The following ZFAND3 variants were observed in gnomAD, a reference collection of about 807,000 sequenced individuals.
ZFAND3 encodes AN1-type zinc finger protein 3.
Under a neutral mutation model 29.6 loss-of-function variants are expected in ZFAND3, and 10 were observed. The observed-to-expected ratio is 0.34, with a 90% CI of 0.21 to 0.57. The LOEUF (loss-of-function observed/expected upper bound fraction) is 0.57. Ranked by LOEUF, ZFAND3 falls within the 20% of genes least tolerant of loss-of-function variation. ZFAND3 has a pLI of 0.86. For missense variants in ZFAND3, 230 were observed against 304.5 expected (o/e 0.76, Z 1.82); for synonymous variants, 128 against 112.6 (o/e 1.14, Z -0.87).
chr6:37,866,359 G>A (rs1455618629), intron 1 of ZFAND3, among the ~76,000 whole-genome samples: 1 of 152,120 alleles, frequency 6.6e-6, no homozygotes, highest in Non-Finnish European at 1.5e-5. Flanking sequence ...TATATAGTTT[G>A]CCCAATGTTG....
chr6:37,922,070 GAAATATA>G (rs1323166060), intron 1 of ZFAND3, among the ~76,000 whole-genome samples: 6 of 151,850 alleles, frequency 4.0e-5, no homozygotes, highest in Non-Finnish European at 8.8e-5. Flanking sequence ...TCTCATAAAT[GAAATATA>G]AAATATAAAA....
At chr6:37,830,747 T>G (rs776747388) in intron 1 of ZFAND3, among the ~76,000 whole-genome samples, 10 of 151,964 alleles carry the variant, frequency 6.6e-5, no homozygotes, top group Non-Finnish European at 8.8e-5. Flanking sequence ...TCTTCTCTCC[T>G]CTTTCCCCCA....
At chr6:37,894,090 A>G (rs545606367) in intron 1 of ZFAND3, among the ~76,000 whole-genome samples, 12 of 152,008 alleles carry the variant, frequency 7.9e-5, no homozygotes, top group African/African-American at 2.9e-4. Context: ...CCTCATTTCT[A>G]CAAAAATACA....
rs558456168 is a variant in ZFAND3 at position 38,150,152 on chromosome 6, A to G, written c.530-2083A>G. ...TGCAAAATCCTTTAGGAGAAAGACA[A>G]CTGGTATCCAATATCTTCGAGTAAT... On this transcript the variant is annotated intron_variant, in intron 5 of 5. Transcript: ENST00000287218. 5.3e-5 allele frequency among the ~76,000 whole-genome samples: 8 copies of G among 152,304 alleles called. No homozygotes were observed. In the South Asian group the frequency reaches 1.7e-3, roughly 32 times the overall value.
chr6:38,102,307 G>A (rs567594890), intron 4 of ZFAND3, among the ~76,000 whole-genome samples: 2 of 152,316 alleles, frequency 1.3e-5, no homozygotes, highest in Admixed American at 6.5e-5. Flanking sequence ...CATCATAGGG[G>A]TGGGATAATT....
chr6:37,969,703 A>G (rs1455422209), intron 2 of ZFAND3, among the ~76,000 whole-genome samples: 1 of 152,180 alleles, frequency 6.6e-6, no homozygotes, highest in African/African-American at 2.4e-5. Context: ...CAGAAGAACT[A>G]AAATATTGTG....
At chr6:37,970,797 T>G (rs1243921493) in intron 2 of ZFAND3, among the ~76,000 whole-genome samples, 1 of 152,040 alleles carries the variant, frequency 6.6e-6, no homozygotes, top group African/African-American at 2.4e-5. Flanking sequence ...CCCAGCTACT[T>G]GGGAGGCTGA....
At chr6:37,916,635 G>A (rs1451150284) in intron 1 of ZFAND3, among the ~76,000 whole-genome samples, 1 of 152,174 alleles carries the variant, frequency 6.6e-6, no homozygotes, top group Non-Finnish European at 1.5e-5. Context: ...ACTCTAGCCT[G>A]GTGACAGAGC....
At chr6:37,931,167 C>T (rs1288851714) in intron 2 of ZFAND3, among the ~76,000 whole-genome samples, 1 of 152,174 alleles carries the variant, frequency 6.6e-6, no homozygotes, top group African/African-American at 2.4e-5. Flanking sequence ...GAGAAAGACA[C>T]TCCTGAGTTG....
At chr6:38,017,018 C>G (rs551541988) in intron 2 of ZFAND3, among the ~76,000 whole-genome samples, 11 of 152,320 alleles carry the variant, frequency 7.2e-5, no homozygotes, top group Non-Finnish European at 1.0e-4. Flanking sequence ...TGCTTGCCTT[C>G]TGACCAAATT....
At chr6:37,954,057 C>G (rs1190520742) in intron 2 of ZFAND3, among the ~76,000 whole-genome samples, 1 of 152,002 alleles carries the variant, frequency 6.6e-6, no homozygotes. Flanking sequence ...ACTGTTTTGT[C>G]ACTTGAATTG....
chr6:37,985,528 C>CACA (rs372598964), intron 2 of ZFAND3, among the ~76,000 whole-genome samples: 19 of 127,772 alleles, frequency 1.5e-4, no homozygotes, highest in South Asian at 4.6e-4. Context: ...CACACACACA[C>CACA]CCCCACACAC....
At chr6:37,855,228 T>C (rs113604488) in intron 1 of ZFAND3, among the ~76,000 whole-genome samples, 10,034 of 149,960 alleles carry the variant, frequency 0.067, 395 homozygotes, top group Non-Finnish European at 0.085. Context: ...CACGGCAGCC[T>C]CCACCTCCCA....
At chr6:38,040,664 TTA>T (rs1763743021) in intron 2 of ZFAND3, among the ~76,000 whole-genome samples, 1 of 152,162 alleles carries the variant, frequency 6.6e-6, no homozygotes, top group South Asian at 2.1e-4. Context: ...CGGGAGTTGT[TTA>T]TGTTTTGCCC....
intron 1 of ZFAND3, among the ~76,000 whole-genome samples, chr6:37,919,757 A>G (rs1266753520): frequency 6.6e-6 from 1 of 152,220 alleles, no homozygotes; most frequent in African/African-American, 2.4e-5. Flanking sequence ...CTCTCCAGAA[A>G]TAAGTATTAA....
intron 2 of ZFAND3, among the ~76,000 whole-genome samples, chr6:37,944,102 A>G (rs888962951): frequency 5.3e-5 from 8 of 152,166 alleles, no homozygotes; most frequent in African/African-American, 1.7e-4. Flanking sequence ...ACAGTTGTCA[A>G]ATTTTTGTGT....
At chr6:38,144,016 C>G (rs1031646092) in intron 5 of ZFAND3, among the ~76,000 whole-genome samples, 4 of 151,588 alleles carry the variant, frequency 2.6e-5, no homozygotes, top group African/African-American at 9.7e-5. Flanking sequence ...GTGGTATAAT[C>G]CAGGGATTGC....
chr6:37,976,633 T>C lies in ZFAND3; in HGVS notation c.112+46634T>C, dbSNP rs551782502. ...ATACTACCCGAGACTGGGTAATTTATAAACAAAAGAGGTTTAATTGACTCA... is the reference window on the plus strand; with the variant it reads ...ATACTACCCGAGACTGGGTAATTTACAAACAAAAGAGGTTTAATTGACTCA... On this transcript the variant is annotated intron_variant, in intron 2 of 5. Transcript: ENST00000287218. 1.8e-4 allele frequency among the ~76,000 whole-genome samples: 27 copies of C among 146,920 alleles called. No individual in the cohort carries two copies. In the East Asian group the frequency reaches 5.2e-3, roughly 28 times the overall value.
intron 2 of ZFAND3, among the ~76,000 whole-genome samples, chr6:37,939,975 G>A (rs1380569175): frequency 1.3e-5 from 2 of 152,164 alleles, no homozygotes. Context: ...GTGAGGTGGA[G>A]GTTGCAGTGA....
Sources: gnomAD v4.1 joint callset for allele counts (sites outside exome capture counted in the v4.1 genomes callset) on GRCh38, gnomAD v4.1.1 for gene constraint, MANE v1.5 for transcripts, NCBI Gene and HGNC (gene_info 2026-07-23, HGNC 2026-07-21) for gene names.